ZCCHC24: variants seen among roughly 807,000 people sequenced by gnomAD.
ZCCHC24 encodes the protein zinc finger CCHC domain-containing protein 24.
Under a neutral mutation model 26.2 loss-of-function variants are expected in ZCCHC24, and 10 were observed. The observed-to-expected ratio is 0.38, with a 90% CI of 0.24 to 0.65. ZCCHC24 has a LOEUF of 0.65. ZCCHC24 is among the 30% of genes least tolerant of loss of function. ZCCHC24 has a pLI of 0.54. For synonymous variants in ZCCHC24, 144 were observed against 147.1 expected, an observed-to-expected ratio of 0.98 and a Z score of 0.15; for missense variants, 243 against 329.1, an observed-to-expected ratio of 0.74 and a Z score of 2.03.
chr10:79,440,830 C>T (rs1857283317), intron 1 of ZCCHC24, among the ~76,000 whole-genome samples: 1 of 152,176 alleles, frequency 6.6e-6, no homozygotes, highest in African/African-American at 2.4e-5. Context: ...TGTCTGCTTT[C>T]CTCCCTCCCA....
Position 79,386,441 on chromosome 10 carries a change from G to A in ZCCHC24, c.630C>T (p.Pro210=), listed in dbSNP as rs61745177. The A allele has an allele frequency of 2.7e-3, 4,382 of 1,601,344 alleles. 108 individuals carry two copies. In the African/African-American group the frequency reaches 0.053, roughly 19 times the overall value. Residue 210 remains proline, a synonymous_variant, in exon 4 of 4, where the codon CCC becomes CCT. Coordinates refer to ENST00000372336, the MANE Select transcript of ZCCHC24 (RefSeq NM_153367.4). ...YPHKQRPLEK[P]DGLDVSDQSK... is the part of the protein sequence containing the mutation. ...TCTGGTCGGACACGTCCAGGCCGTC[G>A]GGCTTCTCCAGGGGTCTCTGCAGAG...
intron 2 of ZCCHC24, among the ~76,000 whole-genome samples, chr10:79,414,966 A>G (rs955056248): frequency 2.6e-5 from 4 of 152,144 alleles, no homozygotes; most frequent in Non-Finnish European, 5.9e-5. Context: ...CATCAATGTC[A>G]GGCCTCCCAA....
At position 79,394,635 on chromosome 10, in the gene ZCCHC24, G is replaced by A; in HGVS notation, c.448-195C>T. 3 of 985,442 alleles carry A rather than the reference G, an allele frequency of 3.0e-6. No homozygotes were observed. The South Asian group carries it at 1.4e-4, about 46-fold the overall frequency. 61.0% of individuals were successfully genotyped at this position (985,442 alleles called of 1,614,324 possible). ...ATCCGAAGGCTGGGAGGCACATAGG[G>A]AACAGAAAACAGAGGAGATGGTGAA... On this transcript the variant is annotated intron_variant, in intron 2 of 3. Coordinates refer to ENST00000372336, the MANE Select transcript of ZCCHC24 (RefSeq NM_153367.4).
rs79297674 is a variant in ZCCHC24 at position 79,436,879 on chromosome 10, C to T, written c.247-4121G>A. On this transcript the variant is annotated intron_variant, in intron 1 of 3. Transcript: ENST00000372336. ...AGATCACCAGGCTTAGGGAAGAGGC[C>T]ACCTCTCTTTCCTCCCTAGGTCAGT... Among the ~76,000 whole-genome samples the T allele has an allele frequency of 3.3e-3, 507 of 152,296 alleles. 1 individual carries two copies. The highest frequency in any genetic ancestry group is 0.011 in the African/African-American group (473 of 41,554).
intron 2 of ZCCHC24, among the ~76,000 whole-genome samples, chr10:79,431,835 C>G (rs73301251): frequency 0.011 from 1,706 of 152,318 alleles, 19 homozygotes; most frequent in African/African-American, 0.033. Context: ...TAATCTCATG[C>G]TGTACTTAAA....
chr10:79,427,674 T>C (rs963126994), intron 2 of ZCCHC24, among the ~76,000 whole-genome samples: 4 of 151,266 alleles, frequency 2.6e-5, no homozygotes, highest in East Asian at 1.9e-4. Flanking sequence ...CCAAAACTTA[T>C]GGGATGGGGC....
chr10:79,426,204 T>C (rs1857024916), intron 2 of ZCCHC24, among the ~76,000 whole-genome samples: 1 of 152,210 alleles, frequency 6.6e-6, no homozygotes, highest in South Asian at 2.1e-4. Context: ...CCCGTGGCAG[T>C]GAATGCTTTA....
chr10:79,434,401 C>G (rs1589678876), intron 1 of ZCCHC24, among the ~76,000 whole-genome samples: 1 of 152,272 alleles, frequency 6.6e-6, no homozygotes, highest in South Asian at 2.1e-4. Context: ...GCAGAGGGTC[C>G]CCCGTCCCTG....
In ZCCHC24 at chr10:79,432,685, G is replaced by A; in HGVS notation, c.320C>T (p.Ser107Phe). Residue 107 changes from serine (S) to phenylalanine (F), a missense_variant, in exon 2 of 4, where the codon TCC becomes TTC. Coordinates refer to ENST00000372336, the MANE Select transcript of ZCCHC24 (RefSeq NM_153367.4). Reference sequence around the variant, plus strand: ...CAGGTCTGAGAAGTGCTCGGTGAGGGAGCTGAGGCCATCGGCGATGTTGTT... The same window carrying A: ...CAGGTCTGAGAAGTGCTCGGTGAGGAAGCTGAGGCCATCGGCGATGTTGTT... ...SLNNIADGLS[S>F]LTEHFSDLTL... 2.5e-6 allele frequency: 4 copies of A among 1,608,942 alleles called. No homozygotes were observed. The highest frequency in any genetic ancestry group is 3.4e-6 in the Non-Finnish European group (4 of 1,178,116).
intron 2 of ZCCHC24, among the ~76,000 whole-genome samples, chr10:79,405,074 C>T (rs775950152): frequency 8.5e-5 from 13 of 152,328 alleles, no homozygotes; most frequent in South Asian, 2.1e-4. Flanking sequence ...AGAACCCACC[C>T]GCCGCCTTGC....
chr10:79,421,690 G>A (rs1181146995), intron 2 of ZCCHC24, among the ~76,000 whole-genome samples: 4 of 152,094 alleles, frequency 2.6e-5, no homozygotes, highest in Non-Finnish European at 4.4e-5. Context: ...GCAGTGGTGC[G>A]ATCTCGGCTC....
chr10:79,425,647 G>A (rs1857017089), intron 2 of ZCCHC24, among the ~76,000 whole-genome samples: 1 of 152,114 alleles, frequency 6.6e-6, no homozygotes. Context: ...CCACTTCTCT[G>A]GGTCTCAGTT....
intron 2 of ZCCHC24, among the ~76,000 whole-genome samples, chr10:79,397,361 G>A (rs530990498): frequency 3.7e-4 from 57 of 152,298 alleles, no homozygotes; most frequent in African/African-American, 5.5e-4. Context: ...GCTAGGGCCC[G>A]GGGCCAGTCA....
chr10:79,423,591 A>ATTTTATATATATATATATATTTTT (rs373110200), intron 2 of ZCCHC24, among the ~76,000 whole-genome samples: 3 of 49,640 alleles, frequency 6.0e-5, no homozygotes, highest in Admixed American at 4.3e-4. Flanking sequence ...CTATATATAT[A>ATTTTATATATATATATATATTTTT]TATATATATA....
intron 2 of ZCCHC24, among the ~76,000 whole-genome samples, chr10:79,426,425 T>G (rs937194412): frequency 6.6e-6 from 1 of 152,198 alleles, no homozygotes; most frequent in Non-Finnish European, 1.5e-5. Flanking sequence ...GGCTGAAAAC[T>G]TTCCAAATCT....
intron 2 of ZCCHC24, among the ~76,000 whole-genome samples, chr10:79,405,913 G>T (rs1405605227): frequency 1.3e-5 from 2 of 152,264 alleles, no homozygotes; most frequent in African/African-American, 4.8e-5. Context: ...ACTGCTGCCT[G>T]GCAAGAGGCT....
Position 79,386,255 on chromosome 10 carries a change from A to G in ZCCHC24, c.*90T>C, listed in dbSNP as rs555957290. On this transcript the variant is annotated 3_prime_UTR_variant, in exon 4 of 4. Transcript: ENST00000372336. ...AGGCCTGCGAGGGCACCCCATGCAC[A>G]GGGCGACACGCAGCCCCTCGGAGTA... The G allele has an allele frequency of 1.6e-6, 2 of 1,270,358 alleles. No individual in the cohort carries two copies. The highest frequency in any genetic ancestry group is 2.2e-6 in the Non-Finnish European group (2 of 889,938). The allele number at this position is 1,270,358 out of a possible 1,614,324, so 78.7% of individuals were successfully genotyped here.
chr10:79,402,416 T>C (rs143495569), intron 2 of ZCCHC24, among the ~76,000 whole-genome samples: 1,678 of 152,248 alleles, frequency 0.011, 35 homozygotes, highest in African/African-American at 0.038. Context: ...GCTGGGACTA[T>C]AGGTGCCCGC....
intron 2 of ZCCHC24, among the ~76,000 whole-genome samples, chr10:79,416,677 C>T (rs1451692559): frequency 6.6e-6 from 1 of 152,152 alleles, no homozygotes. Flanking sequence ...TTGTTCATTT[C>T]TTCCTTTTTT....
Sources: gnomAD v4.1 joint callset for allele counts (sites outside exome capture counted in the v4.1 genomes callset) on GRCh38, gnomAD v4.1.1 for gene constraint, MANE v1.5 for transcripts, NCBI Gene and HGNC (gene_info 2026-07-23, HGNC 2026-07-21) for gene names.